JMY: variants seen among roughly 807,000 people sequenced by gnomAD.
JMY encodes junction-mediating and -regulatory protein.
A neutral mutation model predicts 103.3 loss-of-function variants in JMY; 46 were observed. That is an observed-to-expected ratio of 0.45 (90% confidence interval 0.35 to 0.57). JMY has a LOEUF of 0.57. Ranked by LOEUF, JMY falls within the 20% of genes least tolerant of loss-of-function variation. JMY has a pLI of 0.00. For missense variants in JMY, 1,238 were observed against 1,255.2 expected, an observed-to-expected ratio of 0.99 and a Z score of 0.21; for synonymous variants, 526 against 489.3, an observed-to-expected ratio of 1.07 and a Z score of -0.99.
chr5:79,258,962 A>AGAGACAAGTGGAGAGTGAGC (rs1745337484), intron 1 of JMY, among the ~76,000 whole-genome samples: 1 of 152,202 alleles, frequency 6.6e-6, no homozygotes, highest in Non-Finnish European at 1.5e-5. Context: ...TACACAGACA[A>AGAGACAAGTGGAGAGTGAGC]GAGACAAGTG....
chr5:79,288,044 T>G (rs1746317088), intron 2 of JMY, among the ~76,000 whole-genome samples: 1 of 152,212 alleles, frequency 6.6e-6, no homozygotes, highest in Non-Finnish European at 1.5e-5. Context: ...CATACCAATT[T>G]TCTTATAGCA....
rs753216034 is a variant in JMY at position 79,314,652 on chromosome 5, CCCACCA to C, written c.2469_2474del (p.Pro824_Pro825del). The C allele has an allele frequency of 1.3e-5, 20 of 1,567,376 alleles. No individual in the cohort carries two copies. In the Middle Eastern group the frequency reaches 1.6e-3, roughly 123 times the overall value. Reference sequence around the variant, plus strand: ...CACCTCCCCCACCTCCTCCCCCTCCCCCACCACCACCACCTCTGCCTGTTGCTAAGG... The same window carrying C: ...CACCTCCCCCACCTCCTCCCCCTCCCCCACCACCTCTGCCTGTTGCTAAGG... On this transcript the variant is annotated inframe_deletion, in exon 9 of 11. Coordinates refer to ENST00000396137, the MANE Select transcript of JMY (RefSeq NM_152405.5).
intron 1 of JMY, among the ~76,000 whole-genome samples, chr5:79,250,402 T>A (rs1161271757): frequency 6.6e-6 from 1 of 152,134 alleles, no homozygotes; most frequent in Non-Finnish European, 1.5e-5. Flanking sequence ...ATTCTAGTAT[T>A]TTTTCTTGTC....
chr5:79,252,817 A>G (rs936513884), intron 1 of JMY, among the ~76,000 whole-genome samples: 3 of 152,076 alleles, frequency 2.0e-5, no homozygotes, highest in Admixed American at 6.5e-5. Flanking sequence ...GTATGTCTTC[A>G]TAGGTGAATG....
Position 79,300,252 on chromosome 5 carries a change from G to C in JMY, c.1627G>C (p.Glu543Gln). 2 of 1,603,224 alleles carry C rather than the reference G, an allele frequency of 1.2e-6. No homozygotes were observed. Among genetic ancestry groups the C allele is most frequent in the Middle Eastern group, 1.7e-4 (1 of 6,034 alleles). Residue 543 changes from glutamate to glutamine, a missense_variant, in exon 5 of 11, where the codon GAA (glutamate) becomes CAA (glutamine). Glu to Gln is a conservative substitution (Grantham distance 29). Transcript: ENST00000396137. ...ACTTCAGTTGTATGAAGTACAGTTT[G>C]AAATCTTGAAGTGTGAAGAGTTACT... ...LQLQLYEVQFEILKCEELLLT... is the reference protein window; with the variant it reads ...LQLQLYEVQFQILKCEELLLT...
chr5:79,288,656 T>A (rs775313090), intron 2 of JMY, among the ~76,000 whole-genome samples: 18 of 152,096 alleles, frequency 1.2e-4, no homozygotes, highest in Admixed American at 1.3e-4. Context: ...GTCTTAGGCA[T>A]GCTCACTCAT....
Position 79,236,688 on chromosome 5 carries a change from G to A in JMY, c.38G>A (p.Trp13Ter). 2 of 1,490,996 alleles carry A rather than the reference G, an allele frequency of 1.3e-6. No individual in the cohort carries two copies. Among genetic ancestry groups the A allele is most frequent in the East Asian group, 2.9e-5 (1 of 34,644 alleles). The allele number at this position is 1,490,996 out of a possible 1,614,324, so 92.4% of individuals were successfully genotyped here. ...CTGGAGGAGACGCTCGAGTCGGACTGGGTGGCTGTGCGGCCCCATGTGTTC... is the reference window on the plus strand; with the variant it reads ...CTGGAGGAGACGCTCGAGTCGGACTAGGTGGCTGTGCGGCCCCATGTGTTC... The part of the protein sequence containing the change: ...FALEETLESD[W>*]VAVRPHVFDE... Residue 13 changes from tryptophan (W) to a stop codon, truncating the protein, a stop_gained, in exon 1 of 11, where the codon TGG becomes TAG. Coordinates refer to ENST00000396137, the MANE Select transcript of JMY (RefSeq NM_152405.5). LOFTEE classifies it high-confidence loss of function.
intron 1 of JMY, among the ~76,000 whole-genome samples, chr5:79,271,319 A>C (rs963824819): frequency 6.6e-6 from 1 of 152,042 alleles, no homozygotes; most frequent in African/African-American, 2.4e-5. Context: ...GGTGCAATCC[A>C]TCATGCTCAG....
intron 2 of JMY, 123 bp from the exon 3 acceptor site, chr5:79,289,998 T>A: frequency 1.5e-6 from 1 of 672,012 alleles, no homozygotes; most frequent in Non-Finnish European, 2.4e-6. Context: ...TTTTGTAAAC[T>A]AATAGCTTAT....
intron 1 of JMY, among the ~76,000 whole-genome samples, chr5:79,249,604 A>G (rs1401565179): frequency 2.6e-5 from 4 of 152,224 alleles, no homozygotes; most frequent in Non-Finnish European, 5.9e-5. Context: ...ATGGAGGAAC[A>G]GGTATTTATC....
Position 79,277,952 on chromosome 5 carries a change from C to G in JMY, c.1075C>G (p.Leu359Val), listed in dbSNP as rs1031034611. 6 of 1,613,920 alleles carry G rather than the reference C, an allele frequency of 3.7e-6. No individual in the cohort carries two copies. Among genetic ancestry groups the G allele is most frequent in the Non-Finnish European group, 5.1e-6 (6 of 1,179,964 alleles). The change falls in exon 2 of 11, where the codon CTG becomes GTG. Residue 359 changes from leucine (L) to valine (V), a missense_variant. Transcript: ENST00000396137. ...HKNTESMVELLDLYQMEDEAY... is the reference protein window; with the variant it reads ...HKNTESMVELVDLYQMEDEAY... ...GAATACAGAGAGCATGGTGGAGCTT[C>G]TGGACTTGTATCAGATGGAGGATGA...
rs536052872 is a variant in JMY, at chr5:79,237,626, C to T, written c.976C>T (p.Leu326=). ...GGAGTATTACGAAAGCCTCAGCGAG[C>T]TGCGGCAGAAGGGCTACGAAGAAGT... The part of the protein sequence containing the change: ...PEEYYESLSE[L]RQKGYEEVLQ... Residue 326 remains leucine, a synonymous_variant, in exon 1 of 11, where the codon CTG becomes TTG. Coordinates refer to ENST00000396137, the MANE Select transcript of JMY (RefSeq NM_152405.5). 3.8e-5 allele frequency: 62 copies of T among 1,613,758 alleles called. No individual in the cohort carries two copies. In the Admixed American group the frequency reaches 6.5e-4, roughly 17 times the overall value.
intron 1 of JMY, among the ~76,000 whole-genome samples, chr5:79,264,224 T>TA (rs1359386524): frequency 1.3e-5 from 2 of 151,690 alleles, no homozygotes; most frequent in Non-Finnish European, 2.9e-5. Flanking sequence ...TAGCTGGGAC[T>TA]ACAGCTGTGT....
At chr5:79,315,936 A>C in intron 9 of JMY, 64 bp from the exon 10 acceptor site, 1 of 1,393,898 alleles carries the variant, frequency 7.2e-7, no homozygotes, top group Non-Finnish European at 1.0e-6. Context: ...GGTAGAGGTT[A>C]TACAGTTTCA....
At chr5:79,257,625 A>G (rs924313184) in intron 1 of JMY, among the ~76,000 whole-genome samples, 2 of 152,120 alleles carry the variant, frequency 1.3e-5, no homozygotes, top group Non-Finnish European at 2.9e-5. Flanking sequence ...AAAATCAGAA[A>G]TTGTGTTAGA....
At chr5:79,306,115 C>T (rs187593458) in intron 6 of JMY, among the ~76,000 whole-genome samples, 235 of 152,278 alleles carry the variant, frequency 1.5e-3, no homozygotes, top group African/African-American at 5.1e-3. Context: ...CCCTTCAGTC[C>T]ACCTTGCCCC....
intron 9 of JMY, among the ~76,000 whole-genome samples, chr5:79,315,191 T>C (rs1221050765): frequency 6.6e-6 from 1 of 152,202 alleles, no homozygotes; most frequent in Non-Finnish European, 1.5e-5. Flanking sequence ...GGGTAAGATA[T>C]CTGGTAAGGA....
chr5:79,276,501 C>T (rs980017112), intron 1 of JMY, among the ~76,000 whole-genome samples: 2 of 152,150 alleles, frequency 1.3e-5, no homozygotes, highest in African/African-American at 4.8e-5. Context: ...ACAATCACAG[C>T]TCACTGCAGA....
chr5:79,325,778 G>GTAAT lies in JMY; in HGVS notation c.*4178_*4181dup, dbSNP rs1189278709. 1 of 152,096 alleles carries GTAAT rather than the reference G, an allele frequency of 6.6e-6. No homozygotes were observed. The highest frequency in any genetic ancestry group is 6.6e-5 in the Admixed American group (1 of 15,266). 9.4% of individuals were successfully genotyped at this position (152,096 alleles called of 1,614,324 possible). A position where few individuals can be genotyped will look rare whatever the true frequency, so the allele number is the denominator to read the frequency against. ...AATGGTATTTTTTATCCGATATAGT[G>GTAAT]TAATTTAAAAGTTTTCCTACAAAGT... On this transcript the variant is annotated 3_prime_UTR_variant, in exon 11 of 11. Transcript: ENST00000396137.
Sources: gnomAD v4.1 joint callset for allele counts (sites outside exome capture counted in the v4.1 genomes callset) on GRCh38, gnomAD v4.1.1 for gene constraint, MANE v1.5 for transcripts, NCBI Gene and HGNC (gene_info 2026-07-23, HGNC 2026-07-21) for gene names.